CDH12: variants seen among roughly 807,000 people sequenced by gnomAD.
The protein encoded by CDH12 is cadherin 12, also known as cadherin-12.
In CDH12, 41 loss-of-function variants were observed where a neutral mutation model predicts 74.1. That is an observed-to-expected ratio of 0.55 (90% CI 0.43 to 0.72). The LOEUF (loss-of-function observed/expected upper bound fraction) is 0.72. CDH12 is among the 30% of genes least tolerant of loss of function. The pLI, the probability that CDH12 is intolerant of heterozygous loss-of-function variation, is 0.00. For synonymous variants in CDH12, 399 were observed against 355.0 expected (o/e 1.12, Z -1.39); for missense variants, 945 against 977.2 (o/e 0.97, Z 0.44).
rs1315108384 is a variant in CDH12 at position 22,650,202 on chromosome 5, C to A, written c.-522-144838G>T. Among the ~76,000 whole-genome samples the A allele has an allele frequency of 2.0e-5, 3 of 151,876 alleles. No individual in the cohort carries two copies. In the East Asian group the frequency reaches 5.8e-4, roughly 29 times the overall value. Reference sequence around the variant, plus strand: ...TTAGTAAAACATTCATGATTAGTGGCTATCATAGAGAGTGGACAGAGAGGC... The same window carrying A: ...TTAGTAAAACATTCATGATTAGTGGATATCATAGAGAGTGGACAGAGAGGC... On this transcript the variant is annotated intron_variant, in intron 1 of 14. Coordinates refer to ENST00000382254, the MANE Select transcript of CDH12 (RefSeq NM_004061.5).
At chr5:22,473,689 C>A (rs1746056680) in intron 2 of CDH12, among the ~76,000 whole-genome samples, 1 of 152,104 alleles carries the variant, frequency 6.6e-6, no homozygotes, top group Admixed American at 6.6e-5. Flanking sequence ...AAAGTCCTAA[C>A]TAATGTGATC....
intron 3 of CDH12, among the ~76,000 whole-genome samples, chr5:22,343,326 AG>A: frequency 1.0e-5 from 1 of 98,884 alleles, no homozygotes; most frequent in East Asian, 2.8e-4. Flanking sequence ...ACACACACAG[AG>A]AGAGAGAGAG....
At chr5:21,935,073 A>C (rs1399731819) in intron 6 of CDH12, among the ~76,000 whole-genome samples, 2 of 152,104 alleles carry the variant, frequency 1.3e-5, no homozygotes, top group African/African-American at 4.8e-5. Context: ...GGCGTGAGCC[A>C]ACGTGCCCGG....
chr5:21,829,834 GT>G (rs1379821532), intron 8 of CDH12, among the ~76,000 whole-genome samples: 1 of 152,118 alleles, frequency 6.6e-6, no homozygotes, highest in African/African-American at 2.4e-5. Flanking sequence ...AAAGTTATGT[GT>G]TTTTTAATCT....
intron 8 of CDH12, among the ~76,000 whole-genome samples, chr5:21,821,416 C>A (rs1183455859): frequency 6.6e-6 from 1 of 151,220 alleles, no homozygotes; most frequent in Non-Finnish European, 1.5e-5. Flanking sequence ...TTAAAAATAC[C>A]ACAACATTCA....
At chr5:22,746,155 A>C (rs898091433) in intron 1 of CDH12, among the ~76,000 whole-genome samples, 2 of 152,150 alleles carry the variant, frequency 1.3e-5, no homozygotes, top group African/African-American at 4.8e-5. Flanking sequence ...GCAAGAAGAC[A>C]ATTGGTATAT....
At chr5:21,935,157 C>T (rs988157749) in intron 6 of CDH12, among the ~76,000 whole-genome samples, 2 of 152,136 alleles carry the variant, frequency 1.3e-5, no homozygotes, top group Non-Finnish European at 2.9e-5. Context: ...CTTCTACCTA[C>T]TCCAATCATA....
At chr5:21,907,211 G>A (rs1224577945) in intron 6 of CDH12, among the ~76,000 whole-genome samples, 1 of 152,128 alleles carries the variant, frequency 6.6e-6, no homozygotes, top group African/African-American at 2.4e-5. Context: ...ACGGGAAAGA[G>A]GGGTTTAAAA....
intron 2 of CDH12, among the ~76,000 whole-genome samples, chr5:22,406,920 A>C (rs1742963667): frequency 6.6e-6 from 1 of 152,140 alleles, no homozygotes; most frequent in African/African-American, 2.4e-5. Context: ...TATTTATACA[A>C]ATTCATAATG....
intron 6 of CDH12, among the ~76,000 whole-genome samples, chr5:21,945,197 G>A (rs1184623755): frequency 6.6e-6 from 1 of 151,960 alleles, no homozygotes; most frequent in South Asian, 2.1e-4. Context: ...GGCCAAGATG[G>A]GTGGATCACT....
At chr5:22,096,568 C>T (rs1197135817) in intron 4 of CDH12, among the ~76,000 whole-genome samples, 1 of 152,132 alleles carries the variant, frequency 6.6e-6, no homozygotes, top group Non-Finnish European at 1.5e-5. Flanking sequence ...ACCTCCCCTC[C>T]TCACACCTGG....
chr5:22,030,486 A>G (rs976582086), intron 5 of CDH12, among the ~76,000 whole-genome samples: 1 of 152,204 alleles, frequency 6.6e-6, no homozygotes, highest in African/African-American at 2.4e-5. Context: ...ACAGTAGCTC[A>G]TAACGGTGGG....
chr5:21,838,947 A>G (rs1749689605), intron 8 of CDH12, among the ~76,000 whole-genome samples: 1 of 152,190 alleles, frequency 6.6e-6, no homozygotes, highest in Non-Finnish European at 1.5e-5. Context: ...AATCCTCACT[A>G]TCACCCATGT....
At chr5:22,520,274 A>G (rs1580728469) in intron 1 of CDH12, among the ~76,000 whole-genome samples, 1 of 152,176 alleles carries the variant, frequency 6.6e-6, no homozygotes, top group Non-Finnish European at 1.5e-5. Context: ...TTCAAAATTT[A>G]CATGTATATG....
intron 3 of CDH12, among the ~76,000 whole-genome samples, chr5:22,344,439 G>T (rs1740024361): frequency 6.6e-6 from 1 of 152,036 alleles, no homozygotes; most frequent in Non-Finnish European, 1.5e-5. Flanking sequence ...TGATTGATTT[G>T]AAAATCCATA....
chr5:21,813,330 A>C (rs1579751195), intron 9 of CDH12, among the ~76,000 whole-genome samples: 1 of 152,006 alleles, frequency 6.6e-6, no homozygotes. Context: ...AATACAAAAA[A>C]TTAGCCAGGC....
chr5:22,528,184 G>A (rs1737374234), intron 1 of CDH12, among the ~76,000 whole-genome samples: 1 of 152,126 alleles, frequency 6.6e-6, no homozygotes, highest in South Asian at 2.1e-4. Context: ...TGTCTTACAT[G>A]ACAACTGCTT....
At chr5:22,574,494 G>T (rs1739686226) in intron 1 of CDH12, among the ~76,000 whole-genome samples, 1 of 151,964 alleles carries the variant, frequency 6.6e-6, no homozygotes, top group Non-Finnish European at 1.5e-5. Context: ...TAGATTTTAT[G>T]GAATCAGCAA....
At chr5:21,897,655 C>T (rs1579928881) in intron 6 of CDH12, among the ~76,000 whole-genome samples, 1 of 152,252 alleles carries the variant, frequency 6.6e-6, no homozygotes, top group Non-Finnish European at 1.5e-5. Flanking sequence ...TATACATATG[C>T]TTGCAATAAA....
Sources: gnomAD v4.1 joint callset for allele counts (sites outside exome capture counted in the v4.1 genomes callset) on GRCh38, gnomAD v4.1.1 for gene constraint, MANE v1.5 for transcripts, NCBI Gene and HGNC (gene_info 2026-07-23, HGNC 2026-07-21) for gene names.